Variants in BICRAL observed in about 807,000 individuals in gnomAD.
BICRAL encodes BRD4-interacting chromatin-remodeling complex-associated protein-like.
BICRAL carries 8 observed loss-of-function variants against 91.8 expected under a neutral mutation model. That is an observed-to-expected ratio of 0.09 (90% confidence interval 0.05 to 0.16). The LOEUF (loss-of-function observed/expected upper bound fraction) is 0.16. Ranked by LOEUF, BICRAL falls within the 10% of genes least tolerant of loss-of-function variation. BICRAL has a pLI of 1.00. For synonymous variants in BICRAL, 445 were observed against 491.1 expected (o/e 0.91, Z 1.24); for missense variants, 1,038 against 1,310.9 (o/e 0.79, Z 3.21).
At chr6:42,826,634 C>T (rs1182791828) in intron 5 of BICRAL, among the ~76,000 whole-genome samples, 1 of 152,074 alleles carries the variant, frequency 6.6e-6, no homozygotes, top group African/African-American at 2.4e-5. Flanking sequence ...GTGTTTGAGC[C>T]TTAGGTTCCC....
intron 6 of BICRAL, among the ~76,000 whole-genome samples, chr6:42,833,517 G>A (rs1582855921): frequency 6.8e-6 from 1 of 147,734 alleles, no homozygotes; most frequent in South Asian, 2.2e-4. Flanking sequence ...GTACGATCTC[G>A]GCTCACTGCA....
chr6:42,775,080 A>C (rs940669032), intron 1 of BICRAL, among the ~76,000 whole-genome samples: 6 of 152,106 alleles, frequency 3.9e-5, no homozygotes, highest in African/African-American at 1.4e-4. Flanking sequence ...TTACAGGTGC[A>C]TGCCACCACA....
intron 1 of BICRAL, among the ~76,000 whole-genome samples, chr6:42,768,400 T>C (rs1762666287): frequency 6.6e-6 from 1 of 152,234 alleles, no homozygotes; most frequent in South Asian, 2.1e-4. Flanking sequence ...GCAGTAATAC[T>C]AAAGCTTAAT....
intron 1 of BICRAL, among the ~76,000 whole-genome samples, chr6:42,766,210 T>C (rs1762630424): frequency 6.6e-6 from 1 of 152,150 alleles, no homozygotes; most frequent in Non-Finnish European, 1.5e-5. Flanking sequence ...ATTATCTGAG[T>C]AGTCAAGTTC....
At chr6:42,778,344 G>A (rs1426923565), upstream of BICRAL, among the ~76,000 whole-genome samples, 9 of 152,184 alleles carry the variant, frequency 5.9e-5, no homozygotes. Flanking sequence ...TGGTTCTCCT[G>A]TCTGCCCTTA....
chr6:42,747,511 G>A (rs1204501569), intron 1 of BICRAL, among the ~76,000 whole-genome samples: 1 of 152,200 alleles, frequency 6.6e-6, no homozygotes, highest in African/African-American at 2.4e-5. Context: ...CCATTTTCAC[G>A]CCCCACTCTC....
At chr6:42,857,024 A>G (rs1172391592) in intron 9 of BICRAL, 67 bp from the exon 10 acceptor site, 1 of 1,351,956 alleles carries the variant, frequency 7.4e-7, no homozygotes, top group African/African-American at 1.5e-5. Flanking sequence ...TTGCATGCAA[A>G]TAAATATGAC....
chr6:42,851,808 G>C (rs1272742227), intron 6 of BICRAL, among the ~76,000 whole-genome samples: 1 of 152,112 alleles, frequency 6.6e-6, no homozygotes, highest in Admixed American at 6.6e-5. Context: ...TTTCATCTGA[G>C]CACCACAAAC....
At chr6:42,750,452 C>G (rs1429079386) in intron 1 of BICRAL, among the ~76,000 whole-genome samples, 2 of 152,116 alleles carry the variant, frequency 1.3e-5, no homozygotes, top group Admixed American at 1.3e-4. Flanking sequence ...GTGTGAGCCC[C>G]CACGCCTGGC....
At chr6:42,822,169 T>G in intron 3 of BICRAL, 106 bp downstream of exon 3, 1 of 657,640 alleles carries the variant, frequency 1.5e-6, no homozygotes, top group East Asian at 2.8e-5. Flanking sequence ...TAAATAAAAA[T>G]TAAATAATAA....
At chr6:42,826,329 G>A (rs1209576438) in intron 5 of BICRAL, among the ~76,000 whole-genome samples, 1 of 150,784 alleles carries the variant, frequency 6.6e-6, no homozygotes, top group African/African-American at 2.4e-5. Flanking sequence ...CCACCTCCTG[G>A]GTTCCAGCAA....
chr6:42,841,152 TG>T (rs1764784298), intron 6 of BICRAL, among the ~76,000 whole-genome samples: 1 of 148,800 alleles, frequency 6.7e-6, no homozygotes, highest in Non-Finnish European at 1.5e-5. Flanking sequence ...ATGCTTTGGA[TG>T]TGAGAGTGCC....
intron 1 of BICRAL, among the ~76,000 whole-genome samples, chr6:42,792,080 C>A (rs1763290047): frequency 6.6e-6 from 1 of 152,022 alleles, no homozygotes; most frequent in Non-Finnish European, 1.5e-5. Flanking sequence ...AGGGCAGTTA[C>A]CATGAATGAA....
At chr6:42,860,043 T>C (rs562585229) in intron 10 of BICRAL, among the ~76,000 whole-genome samples, 29 of 152,134 alleles carry the variant, frequency 1.9e-4, no homozygotes, top group Admixed American at 3.3e-4. Context: ...GTTAAAAGAG[T>C]TAGTAATAAA....
intron 1 of BICRAL, among the ~76,000 whole-genome samples, chr6:42,794,644 T>C (rs565624440): frequency 1.2e-3 from 178 of 152,058 alleles, no homozygotes; most frequent in African/African-American, 4.1e-3. Flanking sequence ...GCTAGACATA[T>C]CAATTAAGAA....
Position 42,829,284 on chromosome 6 carries a change from T to C in BICRAL, c.951T>C (p.Pro317=), listed in dbSNP as rs761565543. Residue 317 remains proline (P), a synonymous_variant, in exon 6 of 13, where the codon CCT becomes CCC. Transcript: ENST00000314073. ...TCCCAATTAATATACAGCCAAAGCC[T>C]ATCCAGATGGGTCAGCAAAATACAT... The part of the protein sequence containing the change: ...NKVPINIQPK[P]IQMGQQNTYN... The C allele has an allele frequency of 6.2e-7, 1 of 1,614,182 alleles. No individual in the cohort carries two copies. The highest frequency in any genetic ancestry group is 8.5e-7 in the Non-Finnish European group (1 of 1,180,004).
intron 6 of BICRAL, among the ~76,000 whole-genome samples, chr6:42,833,138 C>T (rs1333700769): frequency 6.6e-6 from 1 of 151,626 alleles, no homozygotes; most frequent in Non-Finnish European, 1.5e-5. Context: ...TCACTGCAAG[C>T]TCCGCCTCCC....
At chr6:42,763,158 C>T (rs139867400) in intron 1 of BICRAL, among the ~76,000 whole-genome samples, 18 of 152,254 alleles carry the variant, frequency 1.2e-4, no homozygotes, top group East Asian at 5.8e-4. Context: ...GCAGGAACCA[C>T]GAGGTACTTC....
chr6:42,769,035 A>G (rs901097134), intron 1 of BICRAL, among the ~76,000 whole-genome samples: 14 of 152,270 alleles, frequency 9.2e-5, no homozygotes, highest in Admixed American at 6.5e-5. Context: ...CTATGACTAT[A>G]TAACAAGGCA....
Sources: allele counts gnomAD v4.1 joint callset (sites outside exome capture counted in the v4.1 genomes callset), GRCh38; gene constraint gnomAD v4.1.1; transcripts MANE v1.5; gene names NCBI Gene and HGNC (gene_info 2026-07-23, HGNC 2026-07-21).